The following GPHN variants were observed in gnomAD, a reference collection of about 807,000 sequenced individuals.
GPHN encodes gephyrin.
Under a neutral mutation model 95.5 loss-of-function variants are expected in GPHN, and 17 were observed. The observed-to-expected ratio is 0.18, with a 90% confidence interval of 0.12 to 0.27. The LOEUF (loss-of-function observed/expected upper bound fraction) is 0.27. GPHN is among the 10% of genes least tolerant of loss of function. The pLI is 1.00. For synonymous variants in GPHN, 320 were observed against 322.5 expected (o/e 0.99, Z 0.08); for missense variants, 660 against 978.1 (o/e 0.67, Z 4.34).
At chr14:67,273,522 T>C in the GPHN span, among the ~76,000 whole-genome samples, 1 of 152,218 alleles carries the variant, frequency 6.6e-6, no homozygotes, top group African/African-American at 2.4e-5. Context: ...TAGTCTATCA[T>C]TGATGGACAT....
At chr14:67,425,646 C>T in the GPHN span, among the ~76,000 whole-genome samples, 1 of 152,198 alleles carries the variant, frequency 6.6e-6, no homozygotes, top group South Asian at 2.1e-4. Context: ...TGAGGTCCTT[C>T]CTTTCGAAAA....
chr14:66,739,998 C>G (rs1399032455), intron 2 of GPHN, among the ~76,000 whole-genome samples: 1 of 152,026 alleles, frequency 6.6e-6, no homozygotes, highest in African/African-American at 2.4e-5. Context: ...TGGAGTATAA[C>G]AGCAGAACAG....
In GPHN at chr14:66,630,878, A is replaced by G. The variant is rs2063770749; in HGVS notation, c.65-50229A>G. Among the ~76,000 whole-genome samples the G allele has an allele frequency of 4.6e-5, 7 of 150,592 alleles. No homozygotes were observed. In the Admixed American group the frequency reaches 4.7e-4, roughly 10 times the overall value. ...TGTTGACTTGATCATAGCTGTCACT[A>G]ACAAATACTTTTATCTTCGACCTAT... On this transcript the variant is annotated intron_variant, in intron 1 of 22. Transcript: ENST00000478722.
the GPHN span, among the ~76,000 whole-genome samples, chr14:67,605,115 A>C: frequency 3.3e-5 from 5 of 152,154 alleles, no homozygotes; most frequent in African/African-American, 1.2e-4. Flanking sequence ...TTTCACCAAA[A>C]ATTTTGCTTG....
At chr14:67,620,638 A>G in the GPHN span, among the ~76,000 whole-genome samples, 3 of 152,188 alleles carry the variant, frequency 2.0e-5, no homozygotes, top group Non-Finnish European at 2.9e-5. Context: ...GTCATCTCGA[A>G]GCCCAGAAGC....
At chr14:67,083,097 T>C (rs545514347) in intron 11 of GPHN, among the ~76,000 whole-genome samples, 1 of 152,214 alleles carries the variant, frequency 6.6e-6, no homozygotes, top group Non-Finnish European at 1.5e-5. Flanking sequence ...TATTTGTTGC[T>C]TTGAGTAGAC....
At chr14:67,402,093 C>T in the GPHN span, among the ~76,000 whole-genome samples, 1 of 152,164 alleles carries the variant, frequency 6.6e-6, no homozygotes, top group South Asian at 2.1e-4. Flanking sequence ...ATGACAGTGC[C>T]ACTGCACTCC....
the GPHN span, chr14:67,562,588 C>T: frequency 6.8e-6 from 11 of 1,612,762 alleles, no homozygotes; most frequent in Middle Eastern, 3.3e-4. Flanking sequence ...GGGCTCCTGG[C>T]ACCCCGCGGG....
chr14:66,537,194 C>G (rs1481964614), intron 1 of GPHN, among the ~76,000 whole-genome samples: 2 of 151,952 alleles, frequency 1.3e-5, no homozygotes, highest in Non-Finnish European at 2.9e-5. Flanking sequence ...TCTAGTTTGA[C>G]AATCTTTGTG....
At chr14:66,828,598 G>A (rs542937383) in intron 4 of GPHN, among the ~76,000 whole-genome samples, 5 of 152,120 alleles carry the variant, frequency 3.3e-5, no homozygotes, top group Admixed American at 6.6e-5. Flanking sequence ...GTCGATGATT[G>A]TCAGTAATTA....
At chr14:67,622,146 A>G in the GPHN span, among the ~76,000 whole-genome samples, 3 of 152,092 alleles carry the variant, frequency 2.0e-5, no homozygotes, top group African/African-American at 7.2e-5. Context: ...TCCAATCTAA[A>G]TGTTTCTAGA....
At chr14:67,071,135 A>T (rs1339000862) in intron 11 of GPHN, among the ~76,000 whole-genome samples, 1 of 152,204 alleles carries the variant, frequency 6.6e-6, no homozygotes, top group African/African-American at 2.4e-5. Context: ...ATTACTGGGC[A>T]TATACCCAAA....
chr14:66,860,252 G>A (rs991419002), intron 4 of GPHN, among the ~76,000 whole-genome samples: 3 of 152,068 alleles, frequency 2.0e-5, no homozygotes, highest in Non-Finnish European at 4.4e-5. Context: ...GACATACAAC[G>A]GAGCTCTACT....
intron 12 of GPHN, among the ~76,000 whole-genome samples, 170 bp downstream of exon 12, chr14:67,089,245 T>C (rs1050284616): frequency 6.7e-6 from 1 of 148,802 alleles, no homozygotes; most frequent in Non-Finnish European, 1.5e-5. Context: ...CAGATAACCA[T>C]GTTAATCTGC....
intron 18 of GPHN, among the ~76,000 whole-genome samples, chr14:67,154,234 C>T (rs1728990514): frequency 1.3e-5 from 2 of 152,150 alleles, no homozygotes; most frequent in Admixed American, 1.3e-4. Flanking sequence ...GAATTCTCTT[C>T]CCTCCACACT....
At chr14:67,323,080 C>T in the GPHN span, among the ~76,000 whole-genome samples, 10 of 151,976 alleles carry the variant, frequency 6.6e-5, no homozygotes, top group African/African-American at 2.4e-4. Flanking sequence ...TGTATGTGAT[C>T]TTATTATTAA....
chr14:66,546,309 T>C, intron 1 of GPHN, among the ~76,000 whole-genome samples: 1 of 149,282 alleles, frequency 6.7e-6, no homozygotes, highest in Non-Finnish European at 1.5e-5. Flanking sequence ...GCAGAGGGGC[T>C]CCTCACGTCC....
intron 1 of GPHN, among the ~76,000 whole-genome samples, chr14:66,622,535 A>G (rs544154526): frequency 5.9e-5 from 9 of 152,270 alleles, no homozygotes; most frequent in Admixed American, 3.3e-4. Context: ...TCAGGCTACA[A>G]GTTTTCCAAA....
At chr14:66,692,985 C>CT (rs2067875665) in intron 2 of GPHN, among the ~76,000 whole-genome samples, 1 of 151,860 alleles carries the variant, frequency 6.6e-6, no homozygotes, top group Admixed American at 6.6e-5. Flanking sequence ...ATGTGGGTAA[C>CT]ATCTATTGAT....
Sources: gnomAD v4.1 joint callset for allele counts (sites outside exome capture counted in the v4.1 genomes callset) on GRCh38, gnomAD v4.1.1 for gene constraint, MANE v1.5 for transcripts, NCBI Gene and HGNC (gene_info 2026-07-23, HGNC 2026-07-21) for gene names.